Variants in KLHL8 observed in about 807,000 individuals in gnomAD.
KLHL8 encodes the protein kelch like family member 8.
A neutral mutation model predicts 63.5 loss-of-function variants in KLHL8; 38 were observed. That is an observed-to-expected ratio of 0.60 (90% CI 0.46 to 0.78). The LOEUF (loss-of-function observed/expected upper bound fraction) is 0.78, where lower values mean the gene tolerates loss of function less well. Ranked by LOEUF, KLHL8 falls within the 30% of genes least tolerant of loss-of-function variation. The probability of loss-of-function intolerance (pLI) is 0.00; values close to 1 mark genes in which losing one functional copy is unlikely to be tolerated. For synonymous variants in KLHL8, 224 were observed against 254.3 expected, an observed-to-expected ratio of 0.88 and a Z score of 1.13; for missense variants, 566 against 752.4, an observed-to-expected ratio of 0.75 and a Z score of 2.90.
At chr4:87,191,766 C>T (rs972874960) in intron 2 of KLHL8, among the ~76,000 whole-genome samples, 7 of 151,816 alleles carry the variant, frequency 4.6e-5, no homozygotes, top group Middle Eastern at 3.4e-3. Flanking sequence ...ACCGCCTTCC[C>T]TCCTTCCCCC....
At chr4:87,198,806 G>A (rs1422095921) in intron 1 of KLHL8, among the ~76,000 whole-genome samples, 1 of 152,158 alleles carries the variant, frequency 6.6e-6, no homozygotes, top group African/African-American at 2.4e-5. Flanking sequence ...TGTAAAACAG[G>A]TGAAATTTGA....
At chr4:87,198,493 CA>C (rs764513326) in intron 1 of KLHL8, among the ~76,000 whole-genome samples, 3 of 152,058 alleles carry the variant, frequency 2.0e-5, no homozygotes, top group Non-Finnish European at 4.4e-5. Flanking sequence ...TGCTATTCAG[CA>C]AAAGGGACAA....
chr4:87,194,504 C>T (rs963950924), intron 2 of KLHL8, among the ~76,000 whole-genome samples: 1 of 152,118 alleles, frequency 6.6e-6, no homozygotes, highest in African/African-American at 2.4e-5. Context: ...GACCCCATCT[C>T]TACAAAAAAA....
Position 87,229,156 on chromosome 4 carries a change from C to T in KLHL8, n.58-7766G>A, listed in dbSNP as rs370313107. Among the ~76,000 whole-genome samples, 209 of 152,252 alleles carry T rather than the reference C, an allele frequency of 1.4e-3. 4 individuals are homozygous for T. In the South Asian group the frequency reaches 0.038, roughly 28 times the overall value. On this transcript the variant is annotated intron_variant and non_coding_transcript_variant, in intron 1 of 1. Transcript: ENST00000506274. The stretch of plus-strand genomic sequence containing the variant: ...CCTATTTGGAAGGTTTCAGTTGCTC[C>T]TTTTATCATCGGCTAAGACTTGAAT...
intron 4 of KLHL8, among the ~76,000 whole-genome samples, chr4:87,180,905 A>G (rs1326211401): frequency 2.6e-5 from 4 of 152,040 alleles, no homozygotes. Flanking sequence ...ATATCTGGGT[A>G]TGTGCCTATG....
intron 1 of KLHL8, among the ~76,000 whole-genome samples, chr4:87,234,689 T>C (rs1336983442): frequency 1.3e-5 from 2 of 152,192 alleles, no homozygotes; most frequent in Admixed American, 1.3e-4. Flanking sequence ...TTTTAGAGTA[T>C]ACTCCTACTT....
intron 8 of KLHL8, among the ~76,000 whole-genome samples, chr4:87,164,989 A>C (rs1218889619): frequency 6.6e-6 from 1 of 151,966 alleles, no homozygotes; most frequent in Non-Finnish European, 1.5e-5. Flanking sequence ...TCTACTAAAA[A>C]TACAAAAAAA....
chr4:87,214,498 T>A (rs1214052880), intron 1 of KLHL8, among the ~76,000 whole-genome samples: 1 of 146,820 alleles, frequency 6.8e-6, no homozygotes, highest in African/African-American at 2.5e-5. Flanking sequence ...TGTATTCATT[T>A]CAATCCTTGG....
chr4:87,237,307 CA>C (rs1733250159), intron 1 of KLHL8, among the ~76,000 whole-genome samples: 1 of 152,082 alleles, frequency 6.6e-6, no homozygotes, highest in African/African-American at 2.4e-5. Flanking sequence ...GAGAAGTCTT[CA>C]AAGAAAAGCT....
At chr4:87,164,194 A>T in intron 8 of KLHL8, 115 bp from the exon 9 acceptor site, 1 of 992,776 alleles carries the variant, frequency 1.0e-6, no homozygotes, top group Non-Finnish European at 1.5e-6. Context: ...AATGGTTTAG[A>T]GAAAATTTTT....
chr4:87,169,868 G>GA (rs5860062), intron 8 of KLHL8, among the ~76,000 whole-genome samples: 9 of 145,934 alleles, frequency 6.2e-5, no homozygotes, highest in Admixed American at 4.1e-4. Flanking sequence ...GTCTCCCTCT[G>GA]AAAAAAAAAA....
intron 1 of KLHL8, among the ~76,000 whole-genome samples, chr4:87,210,219 C>G (rs138197883): frequency 6.6e-6 from 1 of 152,092 alleles, no homozygotes; most frequent in Admixed American, 6.5e-5. Context: ...CAGTGGCTCA[C>G]GCCTGTAATC....
intron 8 of KLHL8, chr4:87,167,211 T>C: frequency 1.9e-6 from 1 of 525,992 alleles, no homozygotes; most frequent in Non-Finnish European, 3.6e-6. Flanking sequence ...AGTCTTCACC[T>C]GGACCCAGAT....
Position 87,183,538 on chromosome 4 carries a change from T to A in KLHL8, c.766-149A>T, listed in dbSNP as rs74664269. 3 of 662,386 alleles carry A rather than the reference T, an allele frequency of 4.5e-6. No individual in the cohort carries two copies. In the African/African-American group the frequency reaches 5.5e-5, roughly 12 times the overall value. The allele number at this position is 662,386 out of a possible 1,614,324, so 41.0% of individuals were successfully genotyped here. On this transcript the variant is annotated intron_variant, in intron 3 of 9. Transcript: ENST00000273963. Reference sequence around the variant, plus strand: ...GTTCTCTTTTTAAAACTTAAGTTGTTACTTCATGAAATGTAACATGTTCAT... The same window carrying A: ...GTTCTCTTTTTAAAACTTAAGTTGTAACTTCATGAAATGTAACATGTTCAT...
At chr4:87,180,825 T>C (rs555138083) in intron 4 of KLHL8, among the ~76,000 whole-genome samples, 15 of 152,204 alleles carry the variant, frequency 9.9e-5, no homozygotes, top group African/African-American at 3.4e-4. Context: ...GGTGAATCAC[T>C]TGAGCCCAGG....
chr4:87,220,560 C>A lies in KLHL8; in HGVS notation c.-294G>T, dbSNP rs1046718677. 4 of 152,176 alleles carry A rather than the reference C, an allele frequency of 2.6e-5. No homozygotes were observed. The highest frequency in any genetic ancestry group is 9.6e-5 in the African/African-American group (4 of 41,544). 9.4% of individuals were successfully genotyped at this position (152,176 alleles called of 1,614,324 possible). ...ACGCGCGCTCTCCTGCGCGGCCCCGCGGAGCCCCGGCGGGCGCTTGGCGTC... is the reference window on the plus strand; with the variant it reads ...ACGCGCGCTCTCCTGCGCGGCCCCGAGGAGCCCCGGCGGGCGCTTGGCGTC... On this transcript the variant is annotated 5_prime_UTR_variant, in exon 1 of 10. Coordinates refer to ENST00000273963, the MANE Select transcript of KLHL8 (RefSeq NM_020803.5).
Position 87,161,678 on chromosome 4 carries a change from T to G in KLHL8, c.*1841A>C, listed in dbSNP as rs1730181616. 1 of 152,060 alleles carries G rather than the reference T, an allele frequency of 6.6e-6. No individual in the cohort carries two copies. Among genetic ancestry groups the G allele is most frequent in the South Asian group, 2.1e-4 (1 of 4,826 alleles). The allele number at this position is 152,060 out of a possible 1,614,324, so 9.4% of individuals were successfully genotyped here. ...TAAGAACTCCATTAGACATAAGAAATAGACATTGAAGCCAGGTTTTGACAC... is the reference window on the plus strand; with the variant it reads ...TAAGAACTCCATTAGACATAAGAAAGAGACATTGAAGCCAGGTTTTGACAC... On this transcript the variant is annotated 3_prime_UTR_variant, in exon 10 of 10. Transcript: ENST00000273963.
chr4:87,167,158 C>A (rs552294009), intron 8 of KLHL8: 4 of 505,874 alleles, frequency 7.9e-6, no homozygotes, highest in African/African-American at 7.8e-5. Context: ...GGATTTGTCG[C>A]AGAAGAAAGG....
intron 1 of KLHL8, among the ~76,000 whole-genome samples, chr4:87,204,151 T>C (rs1459649331): frequency 1.3e-5 from 2 of 152,190 alleles, no homozygotes; most frequent in East Asian, 3.8e-4. Context: ...TTCGAAGCTG[T>C]AGTGCACTAT....
Sources: gnomAD v4.1 joint callset for allele counts (sites outside exome capture counted in the v4.1 genomes callset) on GRCh38, gnomAD v4.1.1 for gene constraint, MANE v1.5 for transcripts, NCBI Gene and HGNC (gene_info 2026-07-23, HGNC 2026-07-21) for gene names.